Variants in CTBP2 observed in about 807,000 individuals in gnomAD.
The protein encoded by CTBP2 is C-terminal-binding protein 2.
A neutral mutation model predicts 80.3 loss-of-function variants in CTBP2; 30 were observed. The observed-to-expected ratio is 0.37, with a 90% CI of 0.28 to 0.51. The LOEUF (loss-of-function observed/expected upper bound fraction) is 0.51. Ranked by LOEUF, CTBP2 falls within the 20% of genes least tolerant of loss-of-function variation. The probability of loss-of-function intolerance (pLI) is 0.93; values close to 1 mark genes in which losing one functional copy is unlikely to be tolerated. For missense variants in CTBP2, 1,212 were observed against 1,375.3 expected (o/e 0.88, Z 1.88); for synonymous variants, 594 against 587.4 (o/e 1.01, Z -0.16).
intron 1 of CTBP2, among the ~76,000 whole-genome samples, chr10:125,128,766 T>TA (rs1855676706): frequency 6.6e-6 from 1 of 152,242 alleles, no homozygotes; most frequent in African/African-American, 2.4e-5. Flanking sequence ...AACATACACC[T>TA]ACTCCATGAC....
chr10:125,138,550 A>C (rs1013752228), intron 1 of CTBP2, among the ~76,000 whole-genome samples: 1 of 152,046 alleles, frequency 6.6e-6, no homozygotes, highest in Non-Finnish European at 1.5e-5. Flanking sequence ...GAGGCAGAGA[A>C]GGAGGCTCGT....
In CTBP2 at chr10:124,986,364, T is replaced by TAA. The variant is rs1182688959; in HGVS notation, c.*3152_*3153dup. The TAA allele has an allele frequency of 9.2e-5, 14 of 152,164 alleles. No individual in the cohort carries two copies. The East Asian group carries it at 2.5e-3, about 28-fold the overall frequency. The allele number at this position is 152,164 out of a possible 1,614,324, so 9.4% of individuals were successfully genotyped here. ...GTGATGAAAAAGGCTGTGAAAACCT[T>TAA]AAAGTATTTGCTTGCTTCTTGTTTT... On this transcript the variant is annotated 3_prime_UTR_variant, in exon 9 of 9. Coordinates refer to ENST00000309035, the MANE Select transcript of CTBP2 (RefSeq NM_022802.3).
At chr10:125,128,694 A>G (rs1159460924) in intron 1 of CTBP2, among the ~76,000 whole-genome samples, 2 of 152,250 alleles carry the variant, frequency 1.3e-5, no homozygotes, top group African/African-American at 4.8e-5. Context: ...GGTTTAAAAA[A>G]TAGCTGACTT....
chr10:125,145,818 G>A (rs539696324), intron 1 of CTBP2, among the ~76,000 whole-genome samples: 5 of 152,198 alleles, frequency 3.3e-5, no homozygotes, highest in African/African-American at 1.2e-4. Flanking sequence ...TGACATTCTG[G>A]CCCCAGACCC....
At position 125,021,805 on chromosome 10, in the gene CTBP2, C is replaced by T. The variant is rs553908179; in HGVS notation, c.1678+4277G>A. Among the ~76,000 whole-genome samples, 10 of 152,288 alleles carry T rather than the reference C, an allele frequency of 6.6e-5. 1 individual carries two copies. The highest frequency in any genetic ancestry group is 3.4e-3 in the Middle Eastern group (1 of 294). ...TGACTGATCAAGTACAAAAGCCAAA[C>T]GGAAGGCCCGCAGAGCTCACTGATG... On this transcript the variant is annotated intron_variant, in intron 1 of 8. Transcript: ENST00000309035.
intron 1 of CTBP2, among the ~76,000 whole-genome samples, chr10:125,140,760 TTGCAGTGAGCCAAGATCACACCAC>T (rs1246510232): frequency 6.6e-6 from 1 of 151,564 alleles, no homozygotes; most frequent in Non-Finnish European, 1.5e-5. Context: ...AAGGTGGAGG[TTGCAGTGAGCCAAGATCACACCAC>T]TGCACTGCAG....
intron 1 of CTBP2, among the ~76,000 whole-genome samples, chr10:125,138,481 G>A (rs1478940045): frequency 6.6e-6 from 1 of 152,130 alleles, no homozygotes; most frequent in Non-Finnish European, 1.5e-5. Flanking sequence ...AGAAACAGCG[G>A]AAGATGGACA....
rs748057153 is a variant in CTBP2, at chr10:124,998,120, A to T, written c.2029T>A (p.Ser677Thr). Residue 677 changes from serine (S) to threonine (T), a missense_variant, in exon 4 of 9, where the codon TCT becomes ACT. Physicochemically the swap from Ser to Thr is moderately conservative, Grantham distance 58. Coordinates refer to ENST00000309035, the MANE Select transcript of CTBP2 (RefSeq NM_022802.3). ...AGGTTGAGGATGTGGCAGATGGTAGAGTCCGCTGTCTCTTCCACGGCTGCA... is the reference window on the plus strand; with the variant it reads ...AGGTTGAGGATGTGGCAGATGGTAGTGTCCGCTGTCTCTTCCACGGCTGCA... The T allele has an allele frequency of 1.2e-6, 2 of 1,612,250 alleles. No homozygotes were observed. Among genetic ancestry groups the T allele is most frequent in the Non-Finnish European group, 1.7e-6 (2 of 1,179,542 alleles).
intron 1 of CTBP2, among the ~76,000 whole-genome samples, chr10:125,020,984 G>A (rs1054220228): frequency 2.0e-5 from 3 of 152,158 alleles, no homozygotes; most frequent in African/African-American, 7.2e-5. Context: ...ACCACAGCAG[G>A]GCCTTCTTCA....
chr10:125,003,353 C>T lies in CTBP2; in HGVS notation c.1818G>A (p.Gln606=), dbSNP rs1954800769. 1 of 1,610,066 alleles carries T rather than the reference C, an allele frequency of 6.2e-7. No individual in the cohort carries two copies. The highest frequency in any genetic ancestry group is 8.5e-7 in the Non-Finnish European group (1 of 1,179,324). ...GTGGGCCCACCTTCTCGTGGATTTCCTGCGTCGACTGCGCGTCACAGAAGG... is the reference window on the plus strand; with the variant it reads ...GTGGGCCCACCTTCTCGTGGATTTCTTGCGTCGACTGCGCGTCACAGAAGG... The change falls in exon 2 of 9, where the codon CAG becomes CAA. Residue 606 remains glutamine (Q), a synonymous_variant. Transcript: ENST00000309035.
intron 2 of CTBP2, among the ~76,000 whole-genome samples, chr10:125,051,192 T>G (rs896229795): frequency 6.6e-6 from 1 of 152,312 alleles, no homozygotes; most frequent in African/African-American, 2.4e-5. Flanking sequence ...CCCAAGTTTA[T>G]GTCCCCACCC....
At chr10:125,117,576 T>C (rs1308680164) in intron 1 of CTBP2, among the ~76,000 whole-genome samples, 1 of 152,140 alleles carries the variant, frequency 6.6e-6, no homozygotes, top group Non-Finnish European at 1.5e-5. Flanking sequence ...CCAAGTTTGG[T>C]TGGCACATGG....
At chr10:124,997,347 G>A (rs12414708) in intron 4 of CTBP2, 58,264 of 154,270 alleles carry the variant, frequency 0.38, 12,393 homozygotes, top group East Asian at 0.5. Context: ...TGAGCAGGGT[G>A]GGGACCTCCT....
chr10:125,060,803 G>A (rs1280845932), intron 2 of CTBP2, among the ~76,000 whole-genome samples: 1 of 152,220 alleles, frequency 6.6e-6, no homozygotes, highest in East Asian at 1.9e-4. Context: ...AGAGAGGCCG[G>A]TGCCCCAACC....
chr10:125,023,694 G>T (rs1957274201), intron 1 of CTBP2, among the ~76,000 whole-genome samples: 1 of 152,180 alleles, frequency 6.6e-6, no homozygotes, highest in Non-Finnish European at 1.5e-5. Context: ...CCAGCAAACT[G>T]GACTAGAAAT....
At chr10:125,059,974 C>T (rs1052060368) in intron 2 of CTBP2, among the ~76,000 whole-genome samples, 5 of 152,186 alleles carry the variant, frequency 3.3e-5, no homozygotes, top group Non-Finnish European at 1.5e-5. Flanking sequence ...GGGTTAGCCA[C>T]GAGTCTGACA....
At chr10:125,020,987 C>T (rs1404133244) in intron 1 of CTBP2, among the ~76,000 whole-genome samples, 1 of 152,224 alleles carries the variant, frequency 6.6e-6, no homozygotes, top group African/African-American at 2.4e-5. Flanking sequence ...ACAGCAGGGC[C>T]TTCTTCAGCA....
chr10:125,114,467 CCACATATAGGAAA>C (rs1038213952), intron 1 of CTBP2, among the ~76,000 whole-genome samples: 4 of 152,044 alleles, frequency 2.6e-5, no homozygotes, highest in African/African-American at 9.7e-5. Context: ...CCTGCACCTT[CCACATATAGGAAA>C]CTCACAACTG....
At chr10:125,050,239 T>G (rs530472520) in intron 2 of CTBP2, among the ~76,000 whole-genome samples, 1 of 152,224 alleles carries the variant, frequency 6.6e-6, no homozygotes, top group Admixed American at 6.5e-5. Context: ...ACCGGTACCC[T>G]GTCTCCTGCG....
Sources: allele counts gnomAD v4.1 joint callset (sites outside exome capture counted in the v4.1 genomes callset), GRCh38; gene constraint gnomAD v4.1.1; transcripts MANE v1.5; gene names NCBI Gene and HGNC (gene_info 2026-07-23, HGNC 2026-07-21).